The following DEFB132 variants were observed in gnomAD, a reference collection of about 807,000 sequenced individuals.
DEFB132 encodes beta-defensin 132.
In DEFB132, 5 loss-of-function variants were observed where a neutral mutation model predicts 2.5. That is an observed-to-expected ratio of 2.00 (90% CI 1.04 to 4.20). The LOEUF is 4.20. DEFB132 is among the 30% of genes most tolerant of loss of function. The pLI is 0.00. For synonymous variants in DEFB132, 53 were observed against 46.2 expected (o/e 1.15, Z -0.60); for missense variants, 112 against 110.0 (o/e 1.02, Z -0.08).
chr20:258,253 C>G (rs560507946), intron 1 of DEFB132, among the ~76,000 whole-genome samples: 8 of 152,316 alleles, frequency 5.3e-5, no homozygotes, highest in African/African-American at 1.9e-4. Flanking sequence ...GCTCAACAGA[C>G]AGCTGGCAGG....
In DEFB132 at chr20:259,377, T is replaced by G. The variant is rs896603580; in HGVS notation, c.*71T>G. On this transcript the variant is annotated 3_prime_UTR_variant, in exon 2 of 2. Coordinates refer to ENST00000382376, the MANE Select transcript of DEFB132 (RefSeq NM_207469.3). ...ACAGTTCCAATTCCTCCTACATTGC[T>G]GAGTACTAGCCAAGGCTCCTCTTTA... 5.1e-5 allele frequency: 78 copies of G among 1,527,374 alleles called. No homozygotes were observed. The African/African-American group carries it at 9.7e-4, about 19-fold the overall frequency. The allele number at this position is 1,527,374 out of a possible 1,614,324, so 94.6% of individuals were successfully genotyped here. A position where few individuals can be genotyped will look rare whatever the true frequency, so the allele number is the denominator to read the frequency against.
chr20:259,824 G>T lies in DEFB132; in HGVS notation c.*518G>T, dbSNP rs1217294198. On this transcript the variant is annotated 3_prime_UTR_variant, in exon 2 of 2. Coordinates refer to ENST00000382376, the MANE Select transcript of DEFB132 (RefSeq NM_207469.3). The stretch of plus-strand genomic sequence containing the variant: ...GCTCACGCAGGGCAGGAATAGCCAG[G>T]TTCTCATATCCCAGGGGTTCAGACT... 1 of 166,814 alleles carries T rather than the reference G, an allele frequency of 6.0e-6. No individual in the cohort carries two copies. The highest frequency in any genetic ancestry group is 1.5e-4 in the South Asian group (1 of 6,568). 10.3% of individuals were successfully genotyped at this position (166,814 alleles called of 1,614,324 possible). A position where few individuals can be genotyped will look rare whatever the true frequency, so the allele number is the denominator to read the frequency against.
rs2011619482 is a variant in DEFB132 at position 259,580 on chromosome 20, A to T, written c.*274A>T. Reference sequence around the variant, plus strand: ...GAAAAATGTCAAGACAGAATTGGACATGCAAAAGATTGACTGGGAGAACAC... The same window carrying T: ...GAAAAATGTCAAGACAGAATTGGACTTGCAAAAGATTGACTGGGAGAACAC... On this transcript the variant is annotated 3_prime_UTR_variant, in exon 2 of 2. Coordinates refer to ENST00000382376, the MANE Select transcript of DEFB132 (RefSeq NM_207469.3). 1 of 452,278 alleles carries T rather than the reference A, an allele frequency of 2.2e-6. No homozygotes were observed. The highest frequency in any genetic ancestry group is 4.1e-6 in the Non-Finnish European group (1 of 244,980). The allele number at this position is 452,278 out of a possible 1,614,324, so 28.0% of individuals were successfully genotyped here.
rs372879093 is a variant in DEFB132, at chr20:257,837, G to A, written c.58+1G>A. The stretch of plus-strand genomic sequence containing the variant: ...GGATTCCTGACCCAGGTGATCCCAG[G>A]TAAACTGGATAAATAGGAGGAAAGG... On this transcript the variant is annotated splice_donor_variant, in intron 1 of 1. Coordinates refer to ENST00000382376, the MANE Select transcript of DEFB132 (RefSeq NM_207469.3). LOFTEE classifies it high-confidence loss of function. 72 of 1,607,084 alleles carry A rather than the reference G, an allele frequency of 4.5e-5. 3 individuals carry two copies. Among genetic ancestry groups the A allele is most frequent in the East Asian group, 3.1e-4 (14 of 44,708 alleles).
Position 259,597 on chromosome 20 carries a change from G to T in DEFB132, c.*291G>T. On this transcript the variant is annotated 3_prime_UTR_variant, in exon 2 of 2. Coordinates refer to ENST00000382376, the MANE Select transcript of DEFB132 (RefSeq NM_207469.3). ...AATTGGACATGCAAAAGATTGACTG[G>T]GAGAACACACCTCTGATGGACAAAG... The T allele has an allele frequency of 2.4e-6, 1 of 417,912 alleles. No individual in the cohort carries two copies. 25.9% of individuals were successfully genotyped at this position (417,912 alleles called of 1,614,324 possible). A position where few individuals can be genotyped will look rare whatever the true frequency, so the allele number is the denominator to read the frequency against.
chr20:258,463 C>T (rs1388451372), intron 1 of DEFB132, among the ~76,000 whole-genome samples: 1 of 152,126 alleles, frequency 6.6e-6, no homozygotes, highest in Non-Finnish European at 1.5e-5. Flanking sequence ...GAGGGTGCTC[C>T]GAAGAGGCCC....
chr20:258,985 A>G, intron 1 of DEFB132, 92 bp from the exon 2 acceptor site: 1 of 1,316,726 alleles, frequency 7.6e-7, no homozygotes, highest in Non-Finnish European at 1.1e-6. Context: ...ACCTCAGAAC[A>G]AAAAGCCAAA....
Position 259,526 on chromosome 20 carries a change from G to C in DEFB132, c.*220G>C. 1.8e-6 allele frequency: 1 copy of C among 568,142 alleles called. No homozygotes were observed. The allele number at this position is 568,142 out of a possible 1,614,324, so 35.2% of individuals were successfully genotyped here. A position where few individuals can be genotyped will look rare whatever the true frequency, so the allele number is the denominator to read the frequency against. ...CAATCATCATGCAGATTCGTCCACA[G>C]GGGATCTGTCAGTTTGGGTCCTCCA... On this transcript the variant is annotated 3_prime_UTR_variant, in exon 2 of 2. Coordinates refer to ENST00000382376, the MANE Select transcript of DEFB132 (RefSeq NM_207469.3).
intron 1 of DEFB132, 72 bp from the exon 2 acceptor site, chr20:259,005 C>T (rs942835141): frequency 6.8e-7 from 1 of 1,479,398 alleles, no homozygotes; most frequent in African/African-American, 1.4e-5. Context: ...ACACTCCCAT[C>T]TGGCGCTGAC....
At chr20:258,319 G>T (rs2122196721) in intron 1 of DEFB132, among the ~76,000 whole-genome samples, 1 of 152,282 alleles carries the variant, frequency 6.6e-6, no homozygotes, top group Non-Finnish European at 1.5e-5. Flanking sequence ...GGTAAGCAAT[G>T]GGTTCAGCTC....
In DEFB132 at chr20:259,315, G is replaced by A. The variant is rs200076984; in HGVS notation, c.*9G>A. ...CGACCGTAACATCATAATAACCACT[G>A]CTATCGCCTCCACCAACTCAGAGAA... On this transcript the variant is annotated 3_prime_UTR_variant, in exon 2 of 2. Coordinates refer to ENST00000382376, the MANE Select transcript of DEFB132 (RefSeq NM_207469.3). The A allele has an allele frequency of 1.9e-6, 3 of 1,613,178 alleles. No individual in the cohort carries two copies. Among genetic ancestry groups the A allele is most frequent in the South Asian group, 2.2e-5 (2 of 91,020 alleles).
intron 1 of DEFB132, 99 bp from the exon 2 acceptor site, chr20:258,978 T>G: frequency 8.3e-7 from 1 of 1,207,626 alleles, no homozygotes. Flanking sequence ...AGGATACACC[T>G]CAGAACAAAA....
chr20:259,342 T>A lies in DEFB132; in HGVS notation c.*36T>A, dbSNP rs2011616949. 1.2e-6 allele frequency: 2 copies of A among 1,602,960 alleles called. No homozygotes were observed. Among genetic ancestry groups the A allele is most frequent in the Non-Finnish European group, 1.7e-6 (2 of 1,173,510 alleles). On this transcript the variant is annotated 3_prime_UTR_variant, in exon 2 of 2. Coordinates refer to ENST00000382376, the MANE Select transcript of DEFB132 (RefSeq NM_207469.3). ...TATCGCCTCCACCAACTCAGAGAAA[T>A]ATCATTTCCACAGTTCCAATTCCTC...
chr20:259,231 C>G lies in DEFB132; in HGVS notation c.213C>G (p.Ile71Met), dbSNP rs767020256. The G allele has an allele frequency of 6.3e-7, 1 of 1,593,288 alleles. No homozygotes were observed. The highest frequency in any genetic ancestry group is 8.6e-7 in the Non-Finnish European group (1 of 1,167,852). The change falls in exon 2 of 2, where the codon ATC (isoleucine) becomes ATG (methionine). Residue 71 changes from isoleucine (I) to methionine (M), a missense_variant. Ile to Met is a conservative substitution (Grantham distance 10). Transcript: ENST00000382376. ...FLPKPDLPQL[I>M]GNHWQSRRRN... ...CGAAGCCTGACCTACCACAGCTCAT[C>G]GGTAACCACTGGCAATCAAGGAGAA... is the stretch of plus-strand genomic sequence containing the variant.
At position 260,860 on chromosome 20, in the gene DEFB132, GT is replaced by G. The variant is rs1393956439; in HGVS notation, c.*1555del. On this transcript the variant is annotated 3_prime_UTR_variant, in exon 2 of 2. Coordinates refer to ENST00000382376, the MANE Select transcript of DEFB132 (RefSeq NM_207469.3). Reference sequence around the variant, plus strand: ...ATATAACAATAGAGGCAGAACTCATGTAAGAATAAATTGATTAGGTGGTATT... The same window carrying G: ...ATATAACAATAGAGGCAGAACTCATGAAGAATAAATTGATTAGGTGGTATT... 6.6e-6 allele frequency: 1 copy of G among 152,240 alleles called. No homozygotes were observed. Among genetic ancestry groups the G allele is most frequent in the Non-Finnish European group, 1.5e-5 (1 of 68,046 alleles). 9.4% of individuals were successfully genotyped at this position (152,240 alleles called of 1,614,324 possible). A position where few individuals can be genotyped will look rare whatever the true frequency, so the allele number is the denominator to read the frequency against.
intron 1 of DEFB132, 46 bp downstream of exon 1, chr20:257,882 A>G: frequency 6.3e-7 from 1 of 1,584,638 alleles, no homozygotes; most frequent in Non-Finnish European, 8.6e-7. Flanking sequence ...AACGAGGAAC[A>G]CTAGCATATC....
chr20:259,211 C>A lies in DEFB132; in HGVS notation c.193C>A (p.Pro65Thr). 1 of 1,614,178 alleles carries A rather than the reference C, an allele frequency of 6.2e-7. No individual in the cohort carries two copies. Among genetic ancestry groups the A allele is most frequent in the Non-Finnish European group, 8.5e-7 (1 of 1,180,028 alleles). Residue 65 changes from proline (P) to threonine (T), a missense_variant, in exon 2 of 2, where the codon CCT becomes ACT. Physicochemically the swap from Pro to Thr is conservative, Grantham distance 38. Coordinates refer to ENST00000382376, the MANE Select transcript of DEFB132 (RefSeq NM_207469.3). ...CATCAGCTACTCCTTCCTGCCGAAG[C>A]CTGACCTACCACAGCTCATCGGTAA... ...CCISYSFLPK[P>T]DLPQLIGNHW...
chr20:259,287 A>G lies in DEFB132; in HGVS notation c.269A>G (p.Gln90Arg). Residue 90 changes from glutamine to arginine, a missense_variant, in exon 2 of 2, where the codon CAA becomes CGA. Coordinates refer to ENST00000382376, the MANE Select transcript of DEFB132 (RefSeq NM_207469.3). ...ACACAAAGGAAAGACAAGAAGCAAC[A>G]AACGACCGTAACATCATAATAACCA... ...RNTQRKDKKQQTTVTS is the reference protein window; with the variant it reads ...RNTQRKDKKQRTTVTS The G allele has an allele frequency of 6.2e-7, 1 of 1,613,222 alleles. No individual in the cohort carries two copies. Among genetic ancestry groups the G allele is most frequent in the Non-Finnish European group, 8.5e-7 (1 of 1,179,452 alleles).
At chr20:257,885 A>G in intron 1 of DEFB132, 49 bp downstream of exon 1, 1 of 1,581,304 alleles carries the variant, frequency 6.3e-7, no homozygotes, top group East Asian at 2.3e-5. Flanking sequence ...GAGGAACACT[A>G]GCATATCTGG....
Sources: gnomAD v4.1 joint callset for allele counts (sites outside exome capture counted in the v4.1 genomes callset) on GRCh38, gnomAD v4.1.1 for gene constraint, MANE v1.5 for transcripts, NCBI Gene and HGNC (gene_info 2026-07-23, HGNC 2026-07-21) for gene names.